The following NT5DC4 variants were observed in gnomAD, a reference collection of about 807,000 sequenced individuals.
NT5DC4 encodes 5'-nucleotidase domain-containing protein 4.
A neutral mutation model predicts 26.6 loss-of-function variants in NT5DC4; 44 were observed. The ratio of observed to expected loss-of-function variants is 1.65; its 90% CI spans 1.30 to 2.13. The LOEUF (loss-of-function observed/expected upper bound fraction) is 2.13. NT5DC4 is among the 30% of genes most tolerant of loss of function. NT5DC4 has a pLI of 0.00. For synonymous variants in NT5DC4, 157 were observed against 86.7 expected, an observed-to-expected ratio of 1.81 and a Z score of -4.51; for missense variants, 399 against 228.1, an observed-to-expected ratio of 1.75 and a Z score of -4.83.
rs762408158 is a variant in NT5DC4, at chr2:112,724,149, C to G, written c.789+23C>G. 65 of 717,122 alleles carry G rather than the reference C, an allele frequency of 9.1e-5. 2 individuals are homozygous for G. The highest frequency in any genetic ancestry group is 8.3e-4 in the South Asian group (56 of 67,602). The allele number at this position is 717,122 out of a possible 1,614,324, so 44.4% of individuals were successfully genotyped here. ...GAGGTGAGTGTTGGAGTGTTGCGTG[C>G]ACGGCTGGGGTGGGCTGTGCAAAGG... is the stretch of plus-strand genomic sequence containing the variant. On this transcript the variant is annotated intron_variant, in intron 10 of 16. Coordinates refer to ENST00000688554, the MANE Select transcript of NT5DC4 (RefSeq NM_001393655.1).
At chr2:112,719,305 C>T (rs542047821), upstream of NT5DC4, among the ~76,000 whole-genome samples, 378 of 152,272 alleles carry the variant, frequency 2.5e-3, 1 homozygote, top group Non-Finnish European at 4.4e-3. Context: ...AACATCGTTC[C>T]GCAGCACACA....
At position 112,734,360 on chromosome 2, in the gene NT5DC4, T is replaced by C. The variant is rs1163917119; in HGVS notation, c.1345-4553T>C. On this transcript the variant is annotated intron_variant, in intron 16 of 16. Coordinates refer to ENST00000688554, the MANE Select transcript of NT5DC4 (RefSeq NM_001393655.1). Reference sequence around the variant, plus strand: ...GGAGTCAAATCAATGTCATTGGACATAGCTTGCTCTCTCCAACTCTCAAGT... The same window carrying C: ...GGAGTCAAATCAATGTCATTGGACACAGCTTGCTCTCTCCAACTCTCAAGT... Among the ~76,000 whole-genome samples, 6 of 152,204 alleles carry C rather than the reference T, an allele frequency of 3.9e-5. No individual in the cohort carries two copies. In the East Asian group the frequency reaches 1.2e-3, roughly 29 times the overall value.
intron 15 of NT5DC4, among the ~76,000 whole-genome samples, 186 bp from the exon 16 acceptor site, chr2:112,729,441 G>C (rs1260027019): frequency 1.3e-5 from 2 of 152,182 alleles, no homozygotes; most frequent in Non-Finnish European, 2.9e-5. Context: ...GATTTTTGAG[G>C]AAGTGAAGTC....
chr2:112,724,798 G>A lies in NT5DC4; in HGVS notation c.807G>A (p.Arg269=). The part of the protein sequence containing the change: ...FSISEAEASG[R]PWRSYFDLIV... ...CCCAACAGGCTGAAGCCTCGGGCAG[G>A]CCCTGGAGGTCCTACTTTGACCTGA... The change falls in exon 11 of 17, where the codon AGG becomes AGA. Residue 269 remains arginine (R), a synonymous_variant. Coordinates refer to ENST00000688554, the MANE Select transcript of NT5DC4 (RefSeq NM_001393655.1). The A allele has an allele frequency of 1.4e-6, 1 of 717,184 alleles. No individual in the cohort carries two copies. The highest frequency in any genetic ancestry group is 2.6e-6 in the Non-Finnish European group (1 of 385,008). 44.4% of individuals were successfully genotyped at this position (717,184 alleles called of 1,614,324 possible).
At chr2:112,726,177 G>T in intron 13 of NT5DC4, 61 bp from the exon 14 acceptor site, 1 of 716,042 alleles carries the variant, frequency 1.4e-6, no homozygotes, top group Non-Finnish European at 2.6e-6. Context: ...ACACAGGCAG[G>T]CAGGGCCAGT....
chr2:112,731,706 C>G (rs1020405972), intron 16 of NT5DC4: 1 of 152,140 alleles, frequency 6.6e-6, no homozygotes, highest in Non-Finnish European at 1.5e-5. Context: ...CAGTTTACTC[C>G]TACAGTTTAC....
chr2:112,741,031 AAAGT>A (rs1679911457), downstream of NT5DC4: 1 of 1,515,010 alleles, frequency 6.6e-7, no homozygotes, highest in Middle Eastern at 1.8e-4. Context: ...ATCATGAAGG[AAAGT>A]AAGATTTACC....
chr2:112,730,310 CAAAAAAAA>C (rs11375761), intron 16 of NT5DC4, among the ~76,000 whole-genome samples: 1 of 76,192 alleles, frequency 1.3e-5, no homozygotes, highest in Non-Finnish European at 2.4e-5. Flanking sequence ...AAGACTGTCT[CAAAAAAAA>C]AAAAAAAAAA....
chr2:112,721,318 C>T (rs920940298), intron 1 of NT5DC4, among the ~76,000 whole-genome samples, 165 bp downstream of exon 1: 1 of 152,222 alleles, frequency 6.6e-6, no homozygotes, highest in South Asian at 2.1e-4. Flanking sequence ...TGTAACAACC[C>T]ATCAGGGAAC....
At chr2:112,735,378 AGCCGAGT>A (rs1305167699) in intron 16 of NT5DC4, among the ~76,000 whole-genome samples, 1 of 152,152 alleles carries the variant, frequency 6.6e-6, no homozygotes, top group Non-Finnish European at 1.5e-5. Flanking sequence ...TAAAAGACTC[AGCCGAGT>A]GCCTGGCATA....
At chr2:112,726,976 C>T in intron 15 of NT5DC4, 1 of 569,218 alleles carries the variant, frequency 1.8e-6, no homozygotes, top group Non-Finnish European at 3.2e-6. Context: ...GGCTTTGCCT[C>T]CAGTCCCACA....
chr2:112,724,655 A>G (rs1488187964), intron 10 of NT5DC4, 126 bp from the exon 11 acceptor site: 1 of 633,164 alleles, frequency 1.6e-6, no homozygotes, highest in Non-Finnish European at 2.9e-6. Context: ...CCGGGTTCCC[A>G]GGGGCTGAAG....
At chr2:112,740,694 G>A, downstream of NT5DC4, 1 of 739,718 alleles carries the variant, frequency 1.4e-6, no homozygotes, top group Non-Finnish European at 2.3e-6. Context: ...TACCCCTCCT[G>A]ACTCTGGCAG....
intron 16 of NT5DC4, among the ~76,000 whole-genome samples, chr2:112,732,449 C>T (rs924214214): frequency 5.3e-5 from 8 of 151,086 alleles, no homozygotes; most frequent in African/African-American, 1.9e-4. Flanking sequence ...TCCCAGGTCT[C>T]ACTGGCCTGT....
rs79155067 is a variant in NT5DC4, at chr2:112,733,984, T to A, written c.1344+4280T>A. On this transcript the variant is annotated intron_variant, in intron 16 of 16. Coordinates refer to ENST00000688554, the MANE Select transcript of NT5DC4 (RefSeq NM_001393655.1). ...CTCATTTCCTTACTTTAAATAGAGATAGGAGTTAAAAGTTCTGAACCTGGA... is the reference window on the plus strand; with the variant it reads ...CTCATTTCCTTACTTTAAATAGAGAAAGGAGTTAAAAGTTCTGAACCTGGA... Among the ~76,000 whole-genome samples, 682 of 152,200 alleles carry A rather than the reference T, an allele frequency of 4.5e-3. 2 individuals carry two copies. The highest frequency in any genetic ancestry group is 0.016 in the African/African-American group (651 of 41,524).
downstream of NT5DC4, among the ~76,000 whole-genome samples, chr2:112,742,006 TCTCAAACTCCTGAC>T (rs1046911576): frequency 2.0e-5 from 3 of 147,974 alleles, no homozygotes; most frequent in Non-Finnish European, 3.0e-5. Context: ...GTCAGGCTGG[TCTCAAACTCCTGAC>T]CTCAGGTGAT....
At chr2:112,729,587 G>C in intron 15 of NT5DC4, 40 bp from the exon 16 acceptor site, 1 of 717,396 alleles carries the variant, frequency 1.4e-6, no homozygotes, top group Non-Finnish European at 2.6e-6. Context: ...GCCGTACCCG[G>C]GACGGAGTGC....
At chr2:112,741,052 A>C, downstream of NT5DC4, 1 of 1,291,396 alleles carries the variant, frequency 7.7e-7, no homozygotes, top group Non-Finnish European at 1.1e-6. Context: ...TACCAATTTA[A>C]TACTTCAACT....
intron 16 of NT5DC4, chr2:112,736,954 TCTTGCTCTGTAA>T (rs1314092784): frequency 2.0e-5 from 3 of 151,708 alleles, no homozygotes; most frequent in East Asian, 3.9e-4. Context: ...TGAGATGGAG[TCTTGCTCTGTAA>T]CCCAGGCTGG....
Sources: allele counts gnomAD v4.1 joint callset (sites outside exome capture counted in the v4.1 genomes callset), GRCh38; gene constraint gnomAD v4.1.1; transcripts MANE v1.5; gene names NCBI Gene and HGNC (gene_info 2026-07-23, HGNC 2026-07-21).